PTPRD: variants seen among roughly 807,000 people sequenced by gnomAD.
PTPRD encodes receptor-type tyrosine-protein phosphatase delta.
PTPRD carries 34 observed loss-of-function variants against 214.5 expected under a neutral mutation model. The observed-to-expected ratio is 0.16, with a 90% confidence interval of 0.12 to 0.21. The LOEUF is 0.21. Ranked by LOEUF, PTPRD falls within the 10% of genes least tolerant of loss-of-function variation. The pLI, the probability that PTPRD is intolerant of heterozygous loss-of-function variation, is 1.00. For synonymous variants in PTPRD, 1,128 were observed against 845.7 expected (o/e 1.33, Z -5.79); for missense variants, 2,545 against 2,398.7 (o/e 1.06, Z -1.27).
chr9:9,724,469 T>G (rs1274045895), intron 7 of PTPRD, among the ~76,000 whole-genome samples: 1 of 152,162 alleles, frequency 6.6e-6, no homozygotes, highest in Non-Finnish European at 1.5e-5. Flanking sequence ...GATGTACATA[T>G]GAATATATAT....
chr9:10,124,800 A>G (rs2098803196), intron 3 of PTPRD, among the ~76,000 whole-genome samples: 1 of 152,192 alleles, frequency 6.6e-6, no homozygotes, highest in Admixed American at 6.5e-5. Flanking sequence ...TATTTACATC[A>G]TCATTTCGCA....
intron 5 of PTPRD, among the ~76,000 whole-genome samples, chr9:9,895,171 C>T (rs1389964297): frequency 6.6e-6 from 1 of 151,920 alleles, no homozygotes; most frequent in Non-Finnish European, 1.5e-5. Flanking sequence ...GTACTTGTTC[C>T]TGACTCAAAA....
At chr9:8,422,368 C>G (rs980642973) in intron 35 of PTPRD, among the ~76,000 whole-genome samples, 1 of 151,980 alleles carries the variant, frequency 6.6e-6, no homozygotes, top group Admixed American at 6.6e-5. Flanking sequence ...CTTAACGTTT[C>G]AAGTTAACAT....
chr9:10,349,251 T>G (rs2154453166), intron 2 of PTPRD, among the ~76,000 whole-genome samples: 2 of 103,852 alleles, frequency 1.9e-5, no homozygotes, highest in South Asian at 3.8e-4. Context: ...CTGTCTCCAG[T>G]GGGGTGGGGG....
At position 9,577,359 on chromosome 9, in the gene PTPRD, T is replaced by A. The variant is rs533685635; in HGVS notation, c.-286-2578A>T. Among the ~76,000 whole-genome samples, 16 of 151,968 alleles carry A rather than the reference T, an allele frequency of 1.1e-4. No individual in the cohort carries two copies. In the South Asian group the frequency reaches 3.3e-3, roughly 32 times the overall value. On this transcript the variant is annotated intron_variant, in intron 7 of 45. Transcript: ENST00000381196. ...CAAGCAGATTGCTTGAGCCTAAGAG[T>A]TTGAGACCAGCCTCGGCAACATGGA...
At chr9:9,964,628 T>C (rs1229756602) in intron 4 of PTPRD, among the ~76,000 whole-genome samples, 1 of 152,224 alleles carries the variant, frequency 6.6e-6, no homozygotes. Flanking sequence ...TGATTTTCTT[T>C]TTAGTTTATA....
intron 5 of PTPRD, among the ~76,000 whole-genome samples, chr9:9,905,369 A>T (rs999639968): frequency 2.0e-5 from 3 of 151,954 alleles, no homozygotes; most frequent in Admixed American, 2.0e-4. Context: ...GTAAATGAAC[A>T]CTAAAGAGCA....
At chr9:8,553,934 ATC>A (rs2140927028) in intron 14 of PTPRD, among the ~76,000 whole-genome samples, 1 of 152,286 alleles carries the variant, frequency 6.6e-6, no homozygotes, top group South Asian at 2.1e-4. Flanking sequence ...CACGCCTGTA[ATC>A]CTAGCACTTT....
intron 8 of PTPRD, among the ~76,000 whole-genome samples, chr9:9,531,707 A>G (rs1279028140): frequency 6.6e-6 from 1 of 152,064 alleles, no homozygotes; most frequent in African/African-American, 2.4e-5. Flanking sequence ...GGGTATTGAA[A>G]ATAGTGCTGC....
intron 2 of PTPRD, among the ~76,000 whole-genome samples, chr9:10,368,863 A>C (rs1459107572): frequency 1.3e-5 from 2 of 152,166 alleles, no homozygotes; most frequent in Non-Finnish European, 2.9e-5. Context: ...CAACATTTTT[A>C]CCTAACTAAA....
chr9:9,857,238 G>A (rs1181856944), intron 5 of PTPRD, among the ~76,000 whole-genome samples: 1 of 152,134 alleles, frequency 6.6e-6, no homozygotes, highest in Non-Finnish European at 1.5e-5. Flanking sequence ...TCATGTTTTT[G>A]TCTTTCCCCT....
chr9:9,932,160 T>A (rs368676138), intron 5 of PTPRD, among the ~76,000 whole-genome samples: 8 of 144,040 alleles, frequency 5.6e-5, no homozygotes, highest in South Asian at 2.1e-4. Context: ...AACTCTAAAA[T>A]GCAGAGTGCC....
At chr9:8,489,190 T>G (rs2097098709) in intron 27 of PTPRD, among the ~76,000 whole-genome samples, 1 of 152,210 alleles carries the variant, frequency 6.6e-6, no homozygotes. Context: ...AAAAACCCAC[T>G]GACTTTGTAG....
intron 3 of PTPRD, among the ~76,000 whole-genome samples, chr9:10,146,905 A>T (rs1330929991): frequency 6.6e-6 from 1 of 152,158 alleles, no homozygotes; most frequent in East Asian, 1.9e-4. Flanking sequence ...GGGGAAGCTC[A>T]ATAGGGACAT....
At chr9:8,352,555 CAAAGGA>C (rs1464445147) in intron 39 of PTPRD, among the ~76,000 whole-genome samples, 1 of 152,090 alleles carries the variant, frequency 6.6e-6, no homozygotes, top group Non-Finnish European at 1.5e-5. Flanking sequence ...CTGCTCAACC[CAAAGGA>C]AGTTACAATC....
chr9:9,975,505 G>A (rs561698739), intron 4 of PTPRD, among the ~76,000 whole-genome samples: 54 of 152,326 alleles, frequency 3.5e-4, no homozygotes, highest in African/African-American at 1.2e-3. Context: ...AGGACTAGCA[G>A]CACTACATCA....
intron 27 of PTPRD, among the ~76,000 whole-genome samples, chr9:8,487,842 C>T (rs2136065565): frequency 6.6e-6 from 1 of 151,386 alleles, no homozygotes; most frequent in South Asian, 2.1e-4. Flanking sequence ...AAACAAACAG[C>T]TTGGCAACAT....
chr9:9,981,684 G>A (rs573980764), intron 4 of PTPRD, among the ~76,000 whole-genome samples: 18 of 152,190 alleles, frequency 1.2e-4, no homozygotes, highest in Admixed American at 1.1e-3. Flanking sequence ...CTTAATATGA[G>A]TGCAAGCGCA....
chr9:8,655,624 AAATAT>A (rs766715794), intron 12 of PTPRD, among the ~76,000 whole-genome samples: 6 of 152,178 alleles, frequency 3.9e-5, no homozygotes, highest in Non-Finnish European at 7.4e-5. Flanking sequence ...ATTAATGAAC[AAATAT>A]ATTTCAATCA....
Sources: allele counts gnomAD v4.1 joint callset (sites outside exome capture counted in the v4.1 genomes callset), GRCh38; gene constraint gnomAD v4.1.1; transcripts MANE v1.5; gene names NCBI Gene and HGNC (gene_info 2026-07-23, HGNC 2026-07-21).